ABI2: variants seen among roughly 807,000 people sequenced by gnomAD.
ABI2 encodes the protein abelson interactor 2.
ABI2 carries 25 observed loss-of-function variants against 59.2 expected under a neutral mutation model. That is an observed-to-expected ratio of 0.42 (90% CI 0.31 to 0.59). The LOEUF (loss-of-function observed/expected upper bound fraction) is 0.59, where lower values mean the gene tolerates loss of function less well. Ranked by LOEUF, ABI2 falls within the 20% of genes least tolerant of loss-of-function variation. The pLI, the probability that ABI2 is intolerant of heterozygous loss-of-function variation, is 0.14. For synonymous variants in ABI2, 213 were observed against 235.5 expected (o/e 0.90, Z 0.87); for missense variants, 545 against 681.8 (o/e 0.80, Z 2.23).
At chr2:203,395,448 T>TATATATATATATACACACAC (rs750379504) in intron 6 of ABI2, among the ~76,000 whole-genome samples, 4 of 115,328 alleles carry the variant, frequency 3.5e-5, no homozygotes, top group African/African-American at 6.0e-5. Context: ...TATATATATA[T>TATATATATATATACACACAC]ACACACACAC....
chr2:203,378,087 A>AT (rs1340536934), intron 2 of ABI2, among the ~76,000 whole-genome samples: 1 of 149,760 alleles, frequency 6.7e-6, no homozygotes, highest in African/African-American at 2.5e-5. Context: ...TTTAGAGATT[A>AT]TTTTTTTTCT....
intron 10 of ABI2, among the ~76,000 whole-genome samples, chr2:203,415,540 C>T (rs2153537876): frequency 6.8e-6 from 1 of 148,124 alleles, no homozygotes; most frequent in South Asian, 2.2e-4. Context: ...TGGCATGAAC[C>T]CGGGAGGCAG....
chr2:203,403,617 G>C (rs914846062), intron 9 of ABI2, among the ~76,000 whole-genome samples: 1 of 138,282 alleles, frequency 7.2e-6, no homozygotes, highest in East Asian at 2.0e-4. Context: ...TTAGAATCAC[G>C]TACAAAATAA....
intron 1 of ABI2, among the ~76,000 whole-genome samples, chr2:203,346,023 TAC>T (rs1202661411): frequency 6.6e-6 from 1 of 151,220 alleles, no homozygotes; most frequent in East Asian, 2.0e-4. Flanking sequence ...CTACTAAAAA[TAC>T]ACACGCGCAC....
rs1159790649 is a variant in ABI2 at position 203,429,240 on chromosome 2, TC to T, written c.*1890del. ...CTTAGGTCATTTCTACATCCCTTATTCCTTGTTTTCCTGCAGTGTAATGGCC... is the reference window on the plus strand; with the variant it reads ...CTTAGGTCATTTCTACATCCCTTATTCTTGTTTTCCTGCAGTGTAATGGCC... On this transcript the variant is annotated 3_prime_UTR_variant, in exon 12 of 12. Transcript: ENST00000261018. The T allele has an allele frequency of 6.6e-6, 1 of 152,252 alleles. No homozygotes were observed. The highest frequency in any genetic ancestry group is 2.4e-5 in the African/African-American group (1 of 41,456). 9.4% of individuals were successfully genotyped at this position (152,252 alleles called of 1,614,324 possible).
intron 1 of ABI2, among the ~76,000 whole-genome samples, chr2:203,345,302 G>A (rs1012868627): frequency 6.6e-6 from 1 of 152,156 alleles, no homozygotes; most frequent in African/African-American, 2.4e-5. Flanking sequence ...GAAGTCAAGC[G>A]AAACCAGGAA....
intron 1 of ABI2, among the ~76,000 whole-genome samples, chr2:203,344,068 G>T (rs921785455): frequency 6.6e-6 from 1 of 152,318 alleles, no homozygotes; most frequent in East Asian, 1.9e-4. Flanking sequence ...AGGGTTGGAG[G>T]CTGCAGTGAC....
intron 1 of ABI2, among the ~76,000 whole-genome samples, chr2:203,340,371 A>AT (rs138325801): frequency 0.047 from 6,920 of 146,592 alleles, 459 homozygotes; most frequent in African/African-American, 0.15. Flanking sequence ...AAGTCAGTAG[A>AT]TTTTTTTTTT....
chr2:203,409,227 A>C (rs2097559184), intron 9 of ABI2, among the ~76,000 whole-genome samples: 1 of 152,216 alleles, frequency 6.6e-6, no homozygotes, highest in African/African-American at 2.4e-5. Flanking sequence ...CTGAGTGGGA[A>C]GCAGACACGC....
Position 203,328,432 on chromosome 2 carries a change from C to A in ABI2, c.-83C>A. On this transcript the variant is annotated 5_prime_UTR_variant, in exon 1 of 12. Transcript: ENST00000261018. ...CGCCGCCGTCGCCGCCGCTCCTCCT[C>A]TCCCGGTCCTGGGTTTCCTTGGCGC... The A allele has an allele frequency of 8.5e-7, 1 of 1,181,278 alleles. No individual in the cohort carries two copies. Among genetic ancestry groups the A allele is most frequent in the South Asian group, 1.3e-5 (1 of 74,332 alleles). 73.2% of individuals were successfully genotyped at this position (1,181,278 alleles called of 1,614,324 possible).
intron 11 of ABI2, among the ~76,000 whole-genome samples, chr2:203,418,331 G>A (rs967942756): frequency 4.6e-5 from 7 of 152,172 alleles, no homozygotes; most frequent in East Asian, 1.9e-4. Context: ...GTTTCTCTGC[G>A]TGGCTCAGCT....
Position 203,427,166 on chromosome 2 carries a change from T to C in ABI2, c.1454-11T>C. ...GTCTTTCACATCCTGTTTTGTTTTC[T>C]TCCCTCCTAGTTGTGGCAATTTATG... On this transcript the variant is annotated splice_polypyrimidine_tract_variant and intron_variant, in intron 11 of 11. Coordinates refer to ENST00000261018, the MANE Select transcript of ABI2 (RefSeq NM_001375670.1). 1 of 1,611,374 alleles carries C rather than the reference T, an allele frequency of 6.2e-7. No individual in the cohort carries two copies. The highest frequency in any genetic ancestry group is 1.3e-5 in the African/African-American group (1 of 74,994).
chr2:203,391,038 T>C lies in ABI2; in HGVS notation c.481-8T>C, dbSNP rs749830902. ...CATACAAGTTGAGTTTTCCTTAAAATTTTTTAGGTGAGTACCCAGAACATG... is the reference window on the plus strand; with the variant it reads ...CATACAAGTTGAGTTTTCCTTAAAACTTTTTAGGTGAGTACCCAGAACATG... On this transcript the variant is annotated splice_region_variant and splice_polypyrimidine_tract_variant and intron_variant, in intron 4 of 11. Transcript: ENST00000261018. 4 of 1,612,202 alleles carry C rather than the reference T, an allele frequency of 2.5e-6. No individual in the cohort carries two copies. The highest frequency in any genetic ancestry group is 2.2e-5 in the South Asian group (2 of 90,812).
chr2:203,382,294 C>A, intron 4 of ABI2, 88 bp downstream of exon 4: 1 of 1,115,468 alleles, frequency 9.0e-7, no homozygotes, highest in Non-Finnish European at 1.3e-6. Flanking sequence ...AACTCTTGGC[C>A]TTTTAAAACC....
intron 1 of ABI2, among the ~76,000 whole-genome samples, chr2:203,337,181 A>G (rs994479219): frequency 6.6e-6 from 1 of 152,216 alleles, no homozygotes; most frequent in Non-Finnish European, 1.5e-5. Flanking sequence ...AACAAAAGGC[A>G]TCAAAATTGG....
In ABI2 at chr2:203,430,201, CCT is replaced by C. The variant is rs2098471708; in HGVS notation, c.*2852_*2853del. On this transcript the variant is annotated 3_prime_UTR_variant, in exon 12 of 12. Transcript: ENST00000261018. ...TATTTTTTGTTTTATTGTAAGTTTC[CCT>C]CTTTTTTTATAAATTAAAAGATGGT... The C allele has an allele frequency of 1.3e-5, 2 of 151,818 alleles. No individual in the cohort carries two copies. The highest frequency in any genetic ancestry group is 1.3e-4 in the Admixed American group (2 of 15,228). 9.4% of individuals were successfully genotyped at this position (151,818 alleles called of 1,614,324 possible).
intron 5 of ABI2, among the ~76,000 whole-genome samples, chr2:203,392,977 T>A (rs2252836): frequency 0.077 from 11,697 of 151,560 alleles, 733 homozygotes; most frequent in African/African-American, 0.17. Flanking sequence ...CTTTTTTTTT[T>A]AAAAAAAATC....
intron 1 of ABI2, among the ~76,000 whole-genome samples, chr2:203,341,555 AAAC>A (rs1386334423): frequency 6.6e-6 from 1 of 151,986 alleles, no homozygotes; most frequent in African/African-American, 2.4e-5. Context: ...TCTCTACTAA[AAAC>A]AAAAAAATTT....
At chr2:203,335,055 T>C (rs543864711) in intron 1 of ABI2, among the ~76,000 whole-genome samples, 4 of 152,258 alleles carry the variant, frequency 2.6e-5, no homozygotes, top group Admixed American at 1.3e-4. Flanking sequence ...ACATTCTATT[T>C]TGGATTTTTC....
Sources: allele counts gnomAD v4.1 joint callset (sites outside exome capture counted in the v4.1 genomes callset), GRCh38; gene constraint gnomAD v4.1.1; transcripts MANE v1.5; gene names NCBI Gene and HGNC (gene_info 2026-07-23, HGNC 2026-07-21).